The following TEKT5 variants were observed in gnomAD, a reference collection of about 807,000 sequenced individuals.
TEKT5 encodes tektin-5.
A neutral mutation model predicts 48.7 loss-of-function variants in TEKT5; 52 were observed. The observed-to-expected ratio is 1.07, with a 90% CI of 0.86 to 1.35. The LOEUF (loss-of-function observed/expected upper bound fraction) is 1.35, where lower values mean the gene tolerates loss of function less well. TEKT5 is among the 40% of genes most tolerant of loss of function. The pLI is 0.00. For missense variants in TEKT5, 831 were observed against 641.6 expected, an observed-to-expected ratio of 1.30 and a Z score of -3.19; for synonymous variants, 318 against 267.6, an observed-to-expected ratio of 1.19 and a Z score of -1.84.
At chr16:10,647,348 G>A (rs572298849) in intron 5 of TEKT5, among the ~76,000 whole-genome samples, 164 of 151,806 alleles carry the variant, frequency 1.1e-3, no homozygotes, top group African/African-American at 3.7e-3. Flanking sequence ...GGTGCACACC[G>A]GCGGTCCCAG....
intron 5 of TEKT5, among the ~76,000 whole-genome samples, chr16:10,657,115 C>T (rs1401935552): frequency 6.9e-6 from 1 of 144,446 alleles, no homozygotes; most frequent in Non-Finnish European, 1.5e-5. Context: ...AAAATTAGGT[C>T]TGCCTTTTTT....
intron 5 of TEKT5, among the ~76,000 whole-genome samples, chr16:10,643,451 T>C (rs903027902): frequency 2.0e-5 from 3 of 152,096 alleles, no homozygotes; most frequent in African/African-American, 7.2e-5. Flanking sequence ...TTTCCACTAA[T>C]ACACTGTGTT....
At chr16:10,660,636 G>C (rs1292778021) in intron 5 of TEKT5, among the ~76,000 whole-genome samples, 3 of 151,704 alleles carry the variant, frequency 2.0e-5, no homozygotes, top group Non-Finnish European at 4.4e-5. Context: ...GCCAGTCTGA[G>C]AATGTTACCA....
At chr16:10,639,710 T>C (rs1297118389) in intron 5 of TEKT5, among the ~76,000 whole-genome samples, 1 of 152,240 alleles carries the variant, frequency 6.6e-6, no homozygotes, top group Non-Finnish European at 1.5e-5. Context: ...ATCCTCCCAA[T>C]TGAAACAAAT....
intron 6 of TEKT5, among the ~76,000 whole-genome samples, chr16:10,630,330 G>T (rs192631973): frequency 6.6e-6 from 1 of 151,888 alleles, no homozygotes; most frequent in Non-Finnish European, 1.5e-5. Flanking sequence ...CAAACCTCTG[G>T]GTTCAAGAGA....
intron 5 of TEKT5, among the ~76,000 whole-genome samples, chr16:10,647,270 C>A (rs747381949): frequency 4.6e-5 from 7 of 151,702 alleles, no homozygotes; most frequent in Non-Finnish European, 7.4e-5. Flanking sequence ...AGGAATTCGA[C>A]CAGCTTGGGT....
intron 6 of TEKT5, among the ~76,000 whole-genome samples, chr16:10,629,955 T>C (rs919157551): frequency 1.3e-5 from 2 of 152,078 alleles, no homozygotes; most frequent in African/African-American, 4.8e-5. Flanking sequence ...TTTTTTCTTT[T>C]TGAGACAGAG....
chr16:10,694,003 T>C (rs932297801), intron 1 of TEKT5, among the ~76,000 whole-genome samples: 6 of 152,144 alleles, frequency 3.9e-5, no homozygotes, highest in African/African-American at 4.8e-5. Flanking sequence ...ATTTTAAGCA[T>C]GTGCTTTAAG....
At chr16:10,646,528 T>G (rs556156191) in intron 5 of TEKT5, among the ~76,000 whole-genome samples, 28 of 152,322 alleles carry the variant, frequency 1.8e-4, no homozygotes, top group African/African-American at 6.3e-4. Context: ...CATCTTAATA[T>G]GCAAGGAATG....
Position 10,689,324 on chromosome 16 carries a change from C to T in TEKT5, c.649-1G>A. 1.9e-6 allele frequency: 3 copies of T among 1,612,844 alleles called. No individual in the cohort carries two copies. Among genetic ancestry groups the T allele is most frequent in the Non-Finnish European group, 1.7e-6 (2 of 1,179,412 alleles). ...GGCAACATTTTAGCAAATCCACTTC[C>T]TGAAATGAAAAATGTCAGAAAGAGC... On this transcript the variant is annotated splice_acceptor_variant, in intron 2 of 6. Coordinates refer to ENST00000283025, the MANE Select transcript of TEKT5 (RefSeq NM_144674.2). LOFTEE classifies it high-confidence loss of function.
intron 3 of TEKT5, among the ~76,000 whole-genome samples, chr16:10,685,528 C>T (rs1026704561): frequency 1.3e-5 from 2 of 152,052 alleles, no homozygotes; most frequent in Non-Finnish European, 2.9e-5. Context: ...AACTCCTGAC[C>T]GCAAGTGATC....
chr16:10,677,730 A>G lies in TEKT5; in HGVS notation c.864-1549T>C, dbSNP rs1034150217. Among the ~76,000 whole-genome samples the G allele has an allele frequency of 2.9e-4, 28 of 96,504 alleles. 4 individuals carry two copies. Among genetic ancestry groups the G allele is most frequent in the African/African-American group, 2.0e-3 (27 of 13,766 alleles). 63.3% of individuals were successfully genotyped at this position (96,504 alleles called of 152,430 possible). The stretch of plus-strand genomic sequence containing the variant: ...AGAAAAGGAGGAACCATGGTTGACC[A>G]GTGTGTCTGGGAGGGAGGTAGCAGG... On this transcript the variant is annotated intron_variant, in intron 4 of 6. Coordinates refer to ENST00000283025, the MANE Select transcript of TEKT5 (RefSeq NM_144674.2).
intron 2 of TEKT5, 25 bp downstream of exon 2, chr16:10,689,917 T>A: frequency 6.2e-7 from 1 of 1,613,272 alleles, no homozygotes; most frequent in Non-Finnish European, 8.5e-7. Context: ...TTCAGGGGGC[T>A]GGGCAGAACC....
At chr16:10,684,453 C>A (rs1177633208) in intron 3 of TEKT5, among the ~76,000 whole-genome samples, 2 of 151,326 alleles carry the variant, frequency 1.3e-5, no homozygotes, top group Admixed American at 6.6e-5. Context: ...TCCCAGCAGG[C>A]CAGGAGCCAG....
chr16:10,687,920 A>C (rs1898892492), intron 3 of TEKT5, among the ~76,000 whole-genome samples: 1 of 152,234 alleles, frequency 6.6e-6, no homozygotes, highest in Non-Finnish European at 1.5e-5. Context: ...TGTAACAATC[A>C]CATCAGGGTA....
intron 5 of TEKT5, among the ~76,000 whole-genome samples, chr16:10,644,382 T>A (rs1220764623): frequency 6.6e-6 from 1 of 152,196 alleles, no homozygotes; most frequent in Admixed American, 6.6e-5. Context: ...AAAGTGGCGT[T>A]CGCAGATCCC....
intron 5 of TEKT5, among the ~76,000 whole-genome samples, chr16:10,653,160 G>A (rs1898198203): frequency 6.6e-6 from 1 of 152,226 alleles, no homozygotes; most frequent in Admixed American, 6.5e-5. Context: ...GGCTGGGCAA[G>A]GCTGCTGGGG....
At chr16:10,671,525 T>G (rs1898548425) in intron 5 of TEKT5, among the ~76,000 whole-genome samples, 1 of 152,220 alleles carries the variant, frequency 6.6e-6, no homozygotes, top group Non-Finnish European at 1.5e-5. Flanking sequence ...CAAGTGAAAT[T>G]AACCAGTCAC....
intron 6 of TEKT5, among the ~76,000 whole-genome samples, chr16:10,635,299 A>T (rs1897897549): frequency 6.6e-6 from 1 of 151,260 alleles, no homozygotes; most frequent in South Asian, 2.1e-4. Context: ...GGGATCCACC[A>T]GCCAGGAGCT....
Sources: allele counts gnomAD v4.1 joint callset (sites outside exome capture counted in the v4.1 genomes callset), GRCh38; gene constraint gnomAD v4.1.1; transcripts MANE v1.5; gene names NCBI Gene and HGNC (gene_info 2026-07-23, HGNC 2026-07-21).